Variants in RNF180 observed in about 807,000 individuals in gnomAD.
RNF180 encodes ring finger protein 180.
Under a neutral mutation model 59.2 loss-of-function variants are expected in RNF180, and 38 were observed. That is an observed-to-expected ratio of 0.64 (90% CI 0.50 to 0.84). RNF180 has a LOEUF of 0.84. Ranked by LOEUF, RNF180 falls within the 40% of genes least tolerant of loss-of-function variation. RNF180 has a pLI of 0.00. For synonymous variants in RNF180, 262 were observed against 240.3 expected, an observed-to-expected ratio of 1.09 and a Z score of -0.84; for missense variants, 705 against 700.9, an observed-to-expected ratio of 1.01 and a Z score of -0.07.
intron 7 of RNF180, among the ~76,000 whole-genome samples, chr5:64,345,519 T>C (rs1745519368): frequency 6.6e-6 from 1 of 152,190 alleles, no homozygotes; most frequent in African/African-American, 2.4e-5. Context: ...AAATAAAATA[T>C]GTTTAAAATG....
chr5:64,185,014 T>A (rs993172467), intron 1 of RNF180, among the ~76,000 whole-genome samples: 2 of 152,148 alleles, frequency 1.3e-5, no homozygotes, highest in African/African-American at 4.8e-5. Flanking sequence ...CTCCTGACTG[T>A]CCTTTCTGTT....
At chr5:64,255,652 A>G (rs1743897696) in intron 5 of RNF180, among the ~76,000 whole-genome samples, 1 of 152,214 alleles carries the variant, frequency 6.6e-6, no homozygotes, top group Non-Finnish European at 1.5e-5. Context: ...TAGTGCCACA[A>G]TAAACATACA....
intron 7 of RNF180, among the ~76,000 whole-genome samples, chr5:64,351,995 C>T (rs915770201): frequency 2.0e-5 from 3 of 152,034 alleles, no homozygotes; most frequent in African/African-American, 7.2e-5. Context: ...CCTCCTTGTA[C>T]CTCTGGTAGA....
intron 5 of RNF180, among the ~76,000 whole-genome samples, chr5:64,285,539 A>G (rs1240503090): frequency 1.3e-5 from 2 of 151,928 alleles, no homozygotes; most frequent in African/African-American, 4.8e-5. Context: ...GGTGTGCATC[A>G]TGTGGGTCAA....
rs568527996 is a variant in RNF180, at chr5:64,184,781, G to C, written c.1-16027G>C. ...GTGTGAAACTCTGTTTCCAGGAGGGGCAGATTCTCAAGGTCACATGCTAGT... is the reference window on the plus strand; with the variant it reads ...GTGTGAAACTCTGTTTCCAGGAGGGCCAGATTCTCAAGGTCACATGCTAGT... On this transcript the variant is annotated intron_variant, in intron 1 of 7. Coordinates refer to ENST00000389100, the MANE Select transcript of RNF180 (RefSeq NM_001113561.2). Among the ~76,000 whole-genome samples, 5 of 152,258 alleles carry C rather than the reference G, an allele frequency of 3.3e-5. No individual in the cohort carries two copies. In the South Asian group the frequency reaches 1.0e-3, roughly 32 times the overall value.
rs1207692101 is a variant in RNF180 at position 64,291,416 on chromosome 5, CTTTTTTTTTTTTTTT to C, written c.1228-33758_1228-33744del. ...TGGATGGCATTCTGAAGTATGTTTTCTTTTTTTTTTTTTTTTTTTTTTTTTTGAGGCGGAGTCTCG... is the reference window on the plus strand; with the variant it reads ...TGGATGGCATTCTGAAGTATGTTTTCTTTTTTTTTTTGAGGCGGAGTCTCG... On this transcript the variant is annotated intron_variant, in intron 5 of 7. Coordinates refer to ENST00000389100, the MANE Select transcript of RNF180 (RefSeq NM_001113561.2). Among the ~76,000 whole-genome samples the C allele has an allele frequency of 1.1e-4, 8 of 71,784 alleles. No individual in the cohort carries two copies. In the South Asian group the frequency reaches 3.2e-3, roughly 29 times the overall value. 47.1% of individuals were successfully genotyped at this position (71,784 alleles called of 152,430 possible).
chr5:64,185,704 C>T (rs568928585), intron 1 of RNF180, among the ~76,000 whole-genome samples: 2 of 152,306 alleles, frequency 1.3e-5, no homozygotes, highest in South Asian at 4.1e-4. Context: ...TATATAGTCA[C>T]ATACAAGGCA....
At chr5:64,212,781 C>T (rs1190468980) in intron 3 of RNF180, among the ~76,000 whole-genome samples, 1 of 152,156 alleles carries the variant, frequency 6.6e-6, no homozygotes, top group East Asian at 1.9e-4. Flanking sequence ...CAATTCAAAA[C>T]TCCTGTCTTA....
intron 5 of RNF180, among the ~76,000 whole-genome samples, chr5:64,295,743 C>T (rs1041059990): frequency 6.6e-6 from 1 of 152,086 alleles, no homozygotes; most frequent in Non-Finnish European, 1.5e-5. Context: ...CTTTTACTTA[C>T]CTGAAGTGTT....
At chr5:64,220,620 A>G (rs1383543382) in intron 5 of RNF180, among the ~76,000 whole-genome samples, 7 of 152,102 alleles carry the variant, frequency 4.6e-5, no homozygotes, top group South Asian at 2.1e-4. Context: ...TACCATTAGT[A>G]TAGTTGCATA....
chr5:64,250,503 T>C (rs1414062627), intron 5 of RNF180, among the ~76,000 whole-genome samples: 1 of 150,042 alleles, frequency 6.7e-6, no homozygotes, highest in Admixed American at 6.7e-5. Flanking sequence ...AAAGAGAAAA[T>C]CAACAAACCA....
chr5:64,318,544 A>T (rs987704189), intron 5 of RNF180, among the ~76,000 whole-genome samples: 1 of 152,196 alleles, frequency 6.6e-6, no homozygotes, highest in South Asian at 2.1e-4. Context: ...GGGAACTATT[A>T]TATACACACA....
intron 7 of RNF180, among the ~76,000 whole-genome samples, chr5:64,360,060 A>G (rs1340660899): frequency 7.2e-5 from 11 of 151,962 alleles, no homozygotes; most frequent in Admixed American, 7.2e-4. Flanking sequence ...GTTTGAAGTC[A>G]GGTAGTGTGA....
chr5:64,316,714 A>G (rs1188230365), intron 5 of RNF180, among the ~76,000 whole-genome samples: 2 of 152,216 alleles, frequency 1.3e-5, no homozygotes, highest in Non-Finnish European at 2.9e-5. Context: ...ACCTAATATA[A>G]TCTTTAAGAG....
intron 7 of RNF180, among the ~76,000 whole-genome samples, chr5:64,350,402 C>T (rs1467910006): frequency 6.6e-6 from 1 of 152,044 alleles, no homozygotes; most frequent in East Asian, 1.9e-4. Context: ...TGCAGAAGCT[C>T]TTTAGTTTAA....
intron 5 of RNF180, among the ~76,000 whole-genome samples, chr5:64,271,384 T>G (rs1231257313): frequency 1.3e-5 from 2 of 152,062 alleles, no homozygotes; most frequent in African/African-American, 4.8e-5. Context: ...GACCAAAGTA[T>G]GAAAAGTAAT....
At chr5:64,368,530 T>TAG (rs1188772223) in intron 7 of RNF180, among the ~76,000 whole-genome samples, 1 of 151,690 alleles carries the variant, frequency 6.6e-6, no homozygotes, top group African/African-American at 2.4e-5. Flanking sequence ...CTACCCTGCC[T>TAG]TTAATGCACT....
At chr5:64,210,864 A>G (rs1007782007) in intron 2 of RNF180, among the ~76,000 whole-genome samples, 1 of 152,136 alleles carries the variant, frequency 6.6e-6, no homozygotes, top group African/African-American at 2.4e-5. Context: ...CAGGATTTGC[A>G]GCAGAGAAAG....
At chr5:64,284,904 T>G (rs1435857118) in intron 5 of RNF180, among the ~76,000 whole-genome samples, 1 of 152,194 alleles carries the variant, frequency 6.6e-6, no homozygotes, top group Admixed American at 6.5e-5. Flanking sequence ...TTTGGCTTCT[T>G]GAGTTGTGAG....
Sources: allele counts gnomAD v4.1 joint callset (sites outside exome capture counted in the v4.1 genomes callset), GRCh38; gene constraint gnomAD v4.1.1; transcripts MANE v1.5; gene names NCBI Gene and HGNC (gene_info 2026-07-23, HGNC 2026-07-21).